The following NAALADL2 variants were observed in gnomAD, a reference collection of about 807,000 sequenced individuals.
The protein encoded by NAALADL2 is inactive N-acetylated-alpha-linked acidic dipeptidase-like protein 2.
A neutral mutation model predicts 87.2 loss-of-function variants in NAALADL2; 76 were observed. The ratio of observed to expected loss-of-function variants is 0.87; its 90% CI spans 0.72 to 1.05. The LOEUF is 1.05. NAALADL2 is among the 50% of genes least tolerant of loss of function. The pLI is 0.00. For synonymous variants in NAALADL2, 354 were observed against 331.0 expected (o/e 1.07, Z -0.75); for missense variants, 1,089 against 945.8 (o/e 1.15, Z -1.99).
At chr3:175,456,936 A>C (rs893236481) in intron 6 of NAALADL2, among the ~76,000 whole-genome samples, 4 of 151,980 alleles carry the variant, frequency 2.6e-5, no homozygotes, top group African/African-American at 9.7e-5. Flanking sequence ...CATACCAATT[A>C]TCTACAGTAT....
intron 9 of NAALADL2, chr3:175,487,539 C>A (rs566168016): frequency 7.7e-5 from 35 of 456,564 alleles, no homozygotes; most frequent in African/African-American, 6.2e-4. Context: ...AACCTTAGTT[C>A]CAGGTTTGAT....
chr3:174,916,172 C>A (rs563909051), intron 1 of NAALADL2, among the ~76,000 whole-genome samples: 1 of 152,102 alleles, frequency 6.6e-6, no homozygotes, highest in Admixed American at 6.6e-5. Context: ...GAGATACCAC[C>A]TTACTCCTGC....
chr3:174,450,715 C>T (rs761328585), intron 1 of NAALADL2, among the ~76,000 whole-genome samples: 62 of 151,598 alleles, frequency 4.1e-4, no homozygotes, highest in Non-Finnish European at 8.7e-4. Context: ...ACTAAAACTA[C>T]AAAAATTAGC....
chr3:175,788,245 A>G lies in NAALADL2; in HGVS notation c.2190-14760A>G, dbSNP rs548127172. Among the ~76,000 whole-genome samples the G allele has an allele frequency of 1.1e-4, 16 of 151,970 alleles. No individual in the cohort carries two copies. In the South Asian group the frequency reaches 2.9e-3, roughly 28 times the overall value. On this transcript the variant is annotated intron_variant, in intron 13 of 13. Transcript: ENST00000454872. ...GTAGCTGGGACTACAGGTGTGTGCC[A>G]CTATGCTCAACTAATTTTTGTGTAT...
At chr3:174,643,888 A>G (rs1438673739) in intron 2 of NAALADL2, among the ~76,000 whole-genome samples, 1 of 152,210 alleles carries the variant, frequency 6.6e-6, no homozygotes, top group Non-Finnish European at 1.5e-5. Flanking sequence ...AAATACATGG[A>G]AGGAAGACAG....
chr3:175,694,200 G>A (rs1737433943), intron 11 of NAALADL2, among the ~76,000 whole-genome samples: 2 of 151,998 alleles, frequency 1.3e-5, no homozygotes, highest in Admixed American at 1.3e-4. Context: ...TTATATAGTT[G>A]ATATTATTAA....
intron 1 of NAALADL2, among the ~76,000 whole-genome samples, chr3:174,469,789 A>ATG (rs923102656): frequency 1.3e-5 from 2 of 151,958 alleles, no homozygotes; most frequent in Admixed American, 6.5e-5. Flanking sequence ...AGGTTTGTGT[A>ATG]TGTGTGTGTG....
At chr3:174,474,630 A>G (rs1359132452) in intron 1 of NAALADL2, among the ~76,000 whole-genome samples, 1 of 152,130 alleles carries the variant, frequency 6.6e-6, no homozygotes, top group Non-Finnish European at 1.5e-5. Context: ...TCCTGTTACC[A>G]CTTAACTTTT....
chr3:174,802,989 A>G (rs1347830859), intron 3 of NAALADL2, among the ~76,000 whole-genome samples: 2 of 152,144 alleles, frequency 1.3e-5, no homozygotes, highest in African/African-American at 4.8e-5. Flanking sequence ...TCCTTTGGGT[A>G]TATACCTAGT....
At chr3:174,687,331 C>A (rs1299854001) in intron 2 of NAALADL2, among the ~76,000 whole-genome samples, 1 of 152,098 alleles carries the variant, frequency 6.6e-6, no homozygotes, top group Admixed American at 6.6e-5. Context: ...AAGTGACTCA[C>A]AACCCTACCC....
At chr3:175,131,928 T>G (rs2108637534) in intron 2 of NAALADL2, among the ~76,000 whole-genome samples, 1 of 104,604 alleles carries the variant, frequency 9.6e-6, no homozygotes. Context: ...GGCTCCTCAC[T>G]TCCCAGTAGG....
At chr3:175,430,036 A>G (rs974163334) in intron 5 of NAALADL2, among the ~76,000 whole-genome samples, 15 of 152,026 alleles carry the variant, frequency 9.9e-5, no homozygotes, top group African/African-American at 3.4e-4. Context: ...CTTAACTTCA[A>G]TGTTCTTGTT....
intron 7 of NAALADL2, among the ~76,000 whole-genome samples, chr3:175,466,239 T>C (rs763169598): frequency 2.0e-5 from 3 of 152,210 alleles, no homozygotes; most frequent in Non-Finnish European, 2.9e-5. Context: ...AGATATGTTA[T>C]TATTACCAAT....
intron 1 of NAALADL2, among the ~76,000 whole-genome samples, chr3:175,040,797 GT>G (rs1753987758): frequency 6.6e-6 from 1 of 152,058 alleles, no homozygotes; most frequent in African/African-American, 2.4e-5. Flanking sequence ...TCTGTGAAGG[GT>G]GTTCATGCTT....
chr3:175,524,967 A>G (rs907668690), intron 9 of NAALADL2, among the ~76,000 whole-genome samples: 1 of 152,122 alleles, frequency 6.6e-6, no homozygotes, highest in Non-Finnish European at 1.5e-5. Flanking sequence ...AAACTTGTGT[A>G]TGGCAGCAAA....
intron 11 of NAALADL2, among the ~76,000 whole-genome samples, chr3:175,726,149 A>C (rs1408800426): frequency 6.6e-6 from 1 of 152,110 alleles, no homozygotes; most frequent in Non-Finnish European, 1.5e-5. Flanking sequence ...AAAAATGCCA[A>C]AAAGCTAATT....
At chr3:174,573,995 C>T (rs1715231270) in intron 2 of NAALADL2, among the ~76,000 whole-genome samples, 1 of 152,160 alleles carries the variant, frequency 6.6e-6, no homozygotes, top group Non-Finnish European at 1.5e-5. Context: ...TGCAAGCTGG[C>T]CCCACTAGAC....
intron 9 of NAALADL2, among the ~76,000 whole-genome samples, chr3:175,532,155 C>T (rs1224403861): frequency 2.0e-5 from 3 of 152,132 alleles, no homozygotes; most frequent in Non-Finnish European, 4.4e-5. Flanking sequence ...CTGTAAGTCA[C>T]ACCTGAGCTA....
intron 1 of NAALADL2, among the ~76,000 whole-genome samples, chr3:175,093,927 A>G (rs1025586768): frequency 6.6e-6 from 1 of 151,964 alleles, no homozygotes; most frequent in Admixed American, 6.6e-5. Context: ...GCTGATGTAC[A>G]TGTGATGGAA....
Sources: gnomAD v4.1 joint callset for allele counts (sites outside exome capture counted in the v4.1 genomes callset) on GRCh38, gnomAD v4.1.1 for gene constraint, MANE v1.5 for transcripts, NCBI Gene and HGNC (gene_info 2026-07-23, HGNC 2026-07-21) for gene names.